The following R3HDM2 variants were observed in gnomAD, a reference collection of about 807,000 sequenced individuals.
The protein encoded by R3HDM2 is R3H domain containing 2.
A neutral mutation model predicts 124.5 loss-of-function variants in R3HDM2; 38 were observed. The observed-to-expected ratio is 0.31, with a 90% CI of 0.24 to 0.40. The LOEUF is 0.40. Among genes scored for constraint, R3HDM2 ranks in the 10% least tolerant of loss-of-function variants. The pLI, the probability that R3HDM2 is intolerant of heterozygous loss-of-function variation, is 1.00. For missense variants in R3HDM2, 869 were observed against 1,236.9 expected, an observed-to-expected ratio of 0.70 and a Z score of 4.46; for synonymous variants, 391 against 448.0, an observed-to-expected ratio of 0.87 and a Z score of 1.61.
At chr12:57,370,399 G>A (rs2063180587) in intron 2 of R3HDM2, among the ~76,000 whole-genome samples, 1 of 131,028 alleles carries the variant, frequency 7.6e-6, no homozygotes, top group Non-Finnish European at 1.7e-5. Context: ...GGGAGGCCCG[G>A]GGGGGGGGGG....
At position 57,254,133 on chromosome 12, in the gene R3HDM2, A is replaced by G. The variant is rs914579825; in HGVS notation, c.*640T>C. The G allele has an allele frequency of 2.2e-6, 1 of 455,818 alleles. No homozygotes were observed. The highest frequency in any genetic ancestry group is 4.4e-6 in the Non-Finnish European group (1 of 226,692). The allele number at this position is 455,818 out of a possible 1,614,324, so 28.2% of individuals were successfully genotyped here. ...TAAGGTAATAGGAGGACAGTGTGGG[A>G]CTTTCCCAATTCTACCTGACCAAAA... is the stretch of plus-strand genomic sequence containing the variant. On this transcript the variant is annotated 3_prime_UTR_variant, in exon 24 of 24. Coordinates refer to ENST00000402412, the MANE Select transcript of R3HDM2 (RefSeq NM_001394031.1).
intron 12 of R3HDM2, among the ~76,000 whole-genome samples, chr12:57,287,652 G>A (rs1241547562): frequency 6.6e-6 from 1 of 152,208 alleles, no homozygotes; most frequent in African/African-American, 2.4e-5. Flanking sequence ...TCCTTATCAA[G>A]TGTAGTAGTC....
At chr12:57,292,167 C>A (rs1048810444) in intron 11 of R3HDM2, among the ~76,000 whole-genome samples, 3 of 152,138 alleles carry the variant, frequency 2.0e-5, no homozygotes, top group Non-Finnish European at 4.4e-5. Flanking sequence ...GAATGTACAG[C>A]CTGTGTGAAC....
chr12:57,377,180 G>A (rs374684575), intron 2 of R3HDM2, among the ~76,000 whole-genome samples: 2 of 150,224 alleles, frequency 1.3e-5, no homozygotes, highest in East Asian at 1.9e-4. Flanking sequence ...TGTTGCCCAG[G>A]GACTGAAGTT....
In R3HDM2 at chr12:57,355,328, A is replaced by G. The variant is rs559741235; in HGVS notation, c.-36+40421T>C. 3.7e-4 allele frequency among the ~76,000 whole-genome samples: 56 copies of G among 151,524 alleles called. No individual in the cohort carries two copies. In the South Asian group the frequency reaches 0.011, roughly 30 times the overall value. On this transcript the variant is annotated intron_variant, in intron 2 of 23. Transcript: ENST00000402412. ...AAAAAAATTAGCCGGGCGTAGTGGC[A>G]GGCGCCTATAGTCCCAACTACTCGG...
At chr12:57,271,879 G>A (rs2043662461) in intron 14 of R3HDM2, among the ~76,000 whole-genome samples, 1 of 151,570 alleles carries the variant, frequency 6.6e-6, no homozygotes, top group African/African-American at 2.4e-5. Context: ...TGATACCAGA[G>A]AAGTCTGCAA....
chr12:57,343,849 C>T (rs1837313608), intron 2 of R3HDM2, among the ~76,000 whole-genome samples: 1 of 151,258 alleles, frequency 6.6e-6, no homozygotes, highest in South Asian at 2.1e-4. Context: ...GCTGATCCCG[C>T]AGGGCCAAAT....
At chr12:57,341,301 G>C (rs913139890) in intron 2 of R3HDM2, 1 of 610,232 alleles carries the variant, frequency 1.6e-6, no homozygotes, top group Admixed American at 6.3e-5. Flanking sequence ...CAAAATTATA[G>C]CACCTTTAAA....
chr12:57,407,546 C>T (rs2139190701), intron 1 of R3HDM2, among the ~76,000 whole-genome samples: 1 of 151,362 alleles, frequency 6.6e-6, no homozygotes, highest in South Asian at 2.1e-4. Flanking sequence ...GCTGGAATTA[C>T]AGGCGTCTGC....
intron 1 of R3HDM2, among the ~76,000 whole-genome samples, chr12:57,400,589 A>G (rs546594854): frequency 3.3e-4 from 50 of 152,206 alleles, no homozygotes; most frequent in African/African-American, 1.2e-3. Context: ...TAATAAAAAT[A>G]TATATTAAAA....
rs577189818 is a variant in R3HDM2, at chr12:57,323,466, G to A, written c.-35-13003C>T. The stretch of plus-strand genomic sequence containing the variant: ...CTGTCATAGGCTTCATTAGTACTGG[G>A]CCAATAACAATAATAAAACAATAGT... On this transcript the variant is annotated intron_variant, in intron 2 of 23. Transcript: ENST00000402412. 4.3e-4 allele frequency among the ~76,000 whole-genome samples: 66 copies of A among 152,290 alleles called. 1 individual carries two copies. Among genetic ancestry groups the A allele is most frequent in the South Asian group, 3.1e-3 (15 of 4,820 alleles).
At chr12:57,285,598 T>A (rs1427300180) in intron 12 of R3HDM2, among the ~76,000 whole-genome samples, 12 of 152,138 alleles carry the variant, frequency 7.9e-5, no homozygotes, top group Non-Finnish European at 1.8e-4. Flanking sequence ...ATAAGTTAGG[T>A]ACTCTCCAGG....
chr12:57,309,620 G>T (rs1213749603), intron 3 of R3HDM2, among the ~76,000 whole-genome samples: 1 of 152,230 alleles, frequency 6.6e-6, no homozygotes, highest in East Asian at 1.9e-4. Context: ...TTAACACTGT[G>T]TGTAAAGCCA....
intron 14 of R3HDM2, among the ~76,000 whole-genome samples, chr12:57,273,875 T>C (rs2044118444): frequency 6.6e-6 from 1 of 152,172 alleles, no homozygotes; most frequent in South Asian, 2.1e-4. Context: ...GTACAGGAAT[T>C]AGAAGACTCT....
intron 1 of R3HDM2, among the ~76,000 whole-genome samples, chr12:57,396,177 C>T (rs7980310): frequency 0.45 from 67,696 of 151,994 alleles, 15,631 homozygotes; most frequent in South Asian, 0.52. Flanking sequence ...CGGTGGCTCA[C>T]GCCTGTAATC....
chr12:57,277,362 T>C (rs993782025), intron 14 of R3HDM2, among the ~76,000 whole-genome samples: 1 of 151,976 alleles, frequency 6.6e-6, no homozygotes, highest in Non-Finnish European at 1.5e-5. Flanking sequence ...GGAAAGATCA[T>C]AGTTTAGTCA....
intron 2 of R3HDM2, among the ~76,000 whole-genome samples, chr12:57,354,279 T>G (rs1393339332): frequency 6.6e-6 from 1 of 151,916 alleles, no homozygotes; most frequent in Admixed American, 6.6e-5. Flanking sequence ...GGCCAGACTT[T>G]TTGTTTGATG....
At chr12:57,276,436 A>G (rs994780129) in intron 14 of R3HDM2, among the ~76,000 whole-genome samples, 3 of 152,250 alleles carry the variant, frequency 2.0e-5, no homozygotes, top group Non-Finnish European at 4.4e-5. Context: ...ATGGAATACT[A>G]TGCAGCCATA....
chr12:57,275,723 T>C (rs556888195), intron 14 of R3HDM2, among the ~76,000 whole-genome samples: 17 of 152,140 alleles, frequency 1.1e-4, no homozygotes, highest in Non-Finnish European at 2.5e-4. Flanking sequence ...GAAAAAATGC[T>C]CAACATCACT....
Sources: gnomAD v4.1 joint callset for allele counts (sites outside exome capture counted in the v4.1 genomes callset) on GRCh38, gnomAD v4.1.1 for gene constraint, MANE v1.5 for transcripts, NCBI Gene and HGNC (gene_info 2026-07-23, HGNC 2026-07-21) for gene names.